PCDHGB6: variants seen among roughly 807,000 people sequenced by gnomAD.
The protein encoded by PCDHGB6 is protocadherin gamma-B6.
Under a neutral mutation model 59.1 loss-of-function variants are expected in PCDHGB6, and 51 were observed. The observed-to-expected ratio is 0.86, with a 90% CI of 0.69 to 1.09. PCDHGB6 has a LOEUF of 1.09. PCDHGB6 is among the 50% of genes least tolerant of loss of function. The pLI is 0.00. For synonymous variants in PCDHGB6, 466 were observed against 495.1 expected (o/e 0.94, Z 0.78); for missense variants, 1,148 against 1,205.1 (o/e 0.95, Z 0.70).
chr5:141,501,945 T>G (rs1318749969), intron 2 of PCDHGB6, among the ~76,000 whole-genome samples: 5 of 152,106 alleles, frequency 3.3e-5, no homozygotes, highest in African/African-American at 1.2e-4. Context: ...CACTGCTCCC[T>G]GTGACAGGTC....
In PCDHGB6 at chr5:141,490,363, C is replaced by T. The variant is rs779932482; in HGVS notation, c.2419-4444C>T. 10 of 1,614,036 alleles carry T rather than the reference C, an allele frequency of 6.2e-6. No individual in the cohort carries two copies. The highest frequency in any genetic ancestry group is 1.3e-5 in the African/African-American group (1 of 74,904). The stretch of plus-strand genomic sequence containing the variant: ...CACAGTAGTGGGGTTGTTTAATGTG[C>T]GAGACCGGGACTCAGGTAGAAATGG... On this transcript the variant is annotated intron_variant, in intron 1 of 3. Coordinates refer to ENST00000520790, the MANE Select transcript of PCDHGB6 (RefSeq NM_018926.3). The surrounding 1 kb of genome is among the most constrained non-coding windows in gnomAD (Gnocchi z 5.4).
intron 1 of PCDHGB6, chr5:141,427,630 T>C (rs1043983899): frequency 2.8e-6 from 2 of 702,530 alleles, no homozygotes; most frequent in African/African-American, 1.7e-5. Context: ...AATGCTCCGG[T>C]TTTCCACCAA....
chr5:141,427,710 G>T, intron 1 of PCDHGB6: 2 of 1,033,628 alleles, frequency 1.9e-6, no homozygotes, highest in South Asian at 2.6e-5. Context: ...CAGCGCCTCT[G>T]ACCTGGACCT....
intron 1 of PCDHGB6, among the ~76,000 whole-genome samples, chr5:141,451,302 G>T (rs1445994098): frequency 6.6e-6 from 1 of 152,208 alleles, no homozygotes; most frequent in Non-Finnish European, 1.5e-5. Context: ...GTCTTACAAG[G>T]CAGCAATTAA....
At chr5:141,501,329 ACACACC>A (rs1456568693) in intron 2 of PCDHGB6, among the ~76,000 whole-genome samples, 16 of 148,226 alleles carry the variant, frequency 1.1e-4, no homozygotes, top group Non-Finnish European at 2.2e-4. Context: ...ACACACACAC[ACACACC>A]CCAAACTCAA....
intron 1 of PCDHGB6, among the ~76,000 whole-genome samples, chr5:141,449,762 G>T (rs909809198): frequency 6.6e-6 from 1 of 151,458 alleles, no homozygotes; most frequent in Non-Finnish European, 1.5e-5. Context: ...ACATTTGAGA[G>T]TAAGTTGTAG....
intron 2 of PCDHGB6, among the ~76,000 whole-genome samples, chr5:141,500,125 T>C (rs1367341826): frequency 2.0e-5 from 3 of 151,970 alleles, no homozygotes; most frequent in African/African-American, 4.8e-5. Flanking sequence ...CCTTTTCATA[T>C]ATATCTTTCT....
At position 141,476,112 on chromosome 5, in the gene PCDHGB6, G is replaced by A. The variant is rs1201449171; in HGVS notation, c.2419-18695G>A. 2.5e-6 allele frequency: 4 copies of A among 1,590,646 alleles called. No homozygotes were observed. Among genetic ancestry groups the A allele is most frequent in the Non-Finnish European group, 2.6e-6 (3 of 1,170,830 alleles). ...CCCCGCTGAGAGGAACTGCTTTTGA[G>A]TGAGATGGTCCCAGAGGCCTGGAGG... On this transcript the variant is annotated intron_variant, in intron 1 of 3. Transcript: ENST00000520790. The surrounding 1 kb of genome is among the most constrained non-coding windows in gnomAD (Gnocchi z 7.6).
intron 1 of PCDHGB6, among the ~76,000 whole-genome samples, chr5:141,453,996 C>T (rs2098779349): frequency 6.6e-6 from 1 of 152,128 alleles, no homozygotes; most frequent in Admixed American, 6.6e-5. Context: ...GTGATAAACC[C>T]ACATAACATT....
At chr5:141,472,980 CAAAA>C (rs60579131) in intron 1 of PCDHGB6, among the ~76,000 whole-genome samples, 3 of 86,106 alleles carry the variant, frequency 3.5e-5, no homozygotes, top group Admixed American at 1.2e-4. Context: ...GAGTGAAACT[CAAAA>C]AAAAAAAAAA....
chr5:141,419,243 C>T (rs959206942), intron 1 of PCDHGB6: 2 of 1,613,998 alleles, frequency 1.2e-6, no homozygotes, highest in East Asian at 4.5e-5. Flanking sequence ...GGTCCACGTG[C>T]CAGAAAACAA....
chr5:141,414,116 A>C (rs760214999), intron 1 of PCDHGB6: 2 of 1,592,434 alleles, frequency 1.3e-6, no homozygotes, highest in Non-Finnish European at 1.7e-6. Context: ...CTAGATTATG[A>C]AGAAACCGGT....
chr5:141,497,829 C>T (rs754594104), intron 2 of PCDHGB6, among the ~76,000 whole-genome samples: 147 of 152,160 alleles, frequency 9.7e-4, no homozygotes, highest in Non-Finnish European at 1.8e-3. Flanking sequence ...TGTGATCGCC[C>T]CCGGCCACAA....
In PCDHGB6 at chr5:141,457,491, A is replaced by G. The variant is rs1462989353; in HGVS notation, c.2419-37316A>G. Among the ~76,000 whole-genome samples, 9 of 152,368 alleles carry G rather than the reference A, an allele frequency of 5.9e-5. No individual in the cohort carries two copies. The East Asian group carries it at 1.5e-3, about 26-fold the overall frequency. On this transcript the variant is annotated intron_variant, in intron 1 of 3. Transcript: ENST00000520790. ...ATAAGCAGGGCCAGGGTTAGTCTAA[A>G]ATGTAGGCAAAAAGCTTAAAAACAA...
chr5:141,469,517 G>A (rs1416478511), intron 1 of PCDHGB6, among the ~76,000 whole-genome samples: 1 of 152,198 alleles, frequency 6.6e-6, no homozygotes, highest in Non-Finnish European at 1.5e-5. Flanking sequence ...GGAGGTTGCA[G>A]TGAGCCAAGA....
Position 141,476,231 on chromosome 5 carries a change from G to A in PCDHGB6, c.2419-18576G>A. The A allele has an allele frequency of 6.2e-7, 1 of 1,614,084 alleles. No individual in the cohort carries two copies. Among genetic ancestry groups the A allele is most frequent in the Non-Finnish European group, 8.5e-7 (1 of 1,180,034 alleles). On this transcript the variant is annotated intron_variant, in intron 1 of 3. Coordinates refer to ENST00000520790, the MANE Select transcript of PCDHGB6 (RefSeq NM_018926.3). The surrounding 1 kb of genome is among the most constrained non-coding windows in gnomAD (Gnocchi z 7.6). ...CACGGTCATTCACTATGAGATCCCG[G>A]AGGAAAGAGAGAAGGGTTTCGCTGT...
At position 141,511,482 on chromosome 5, in the gene PCDHGB6, C is replaced by A. The variant is rs761434245; in HGVS notation, c.*309C>A. ...CACACCCCGTTTAGTTACAGCTGAA[C>A]TCCTCCATCTTCCAAATCAATCAGG... On this transcript the variant is annotated 3_prime_UTR_variant, in exon 4 of 4. Coordinates refer to ENST00000520790, the MANE Select transcript of PCDHGB6 (RefSeq NM_018926.3). The A allele has an allele frequency of 2.4e-4, 113 of 464,462 alleles. No homozygotes were observed. Among genetic ancestry groups the A allele is most frequent in the Non-Finnish European group, 4.0e-4 (105 of 260,154 alleles). The allele number at this position is 464,462 out of a possible 1,614,324, so 28.8% of individuals were successfully genotyped here. A position where few individuals can be genotyped will look rare whatever the true frequency, so the allele number is the denominator to read the frequency against.
At chr5:141,418,015 G>T (rs1385008648) in intron 1 of PCDHGB6, 1 of 1,613,964 alleles carries the variant, frequency 6.2e-7, no homozygotes, top group Non-Finnish European at 8.5e-7. Context: ...ACCTCGCTAA[G>T]GATCTAGGGC....
intron 1 of PCDHGB6, among the ~76,000 whole-genome samples, chr5:141,482,072 C>G (rs1010432509): frequency 1.5e-5 from 2 of 133,436 alleles, no homozygotes; most frequent in African/African-American, 5.9e-5. Flanking sequence ...GCAACAAGAA[C>G]AAAACTCACT....
Sources: allele counts gnomAD v4.1 joint callset (sites outside exome capture counted in the v4.1 genomes callset), GRCh38; gene constraint gnomAD v4.1.1; non-coding constraint Gnocchi (gnomAD v3.1); transcripts MANE v1.5; gene names NCBI Gene and HGNC (gene_info 2026-07-23, HGNC 2026-07-21).